Variants in SOHLH1 observed in about 807,000 individuals in gnomAD.
SOHLH1 encodes spermatogenesis- and oogenesis-specific basic helix-loop-helix-containing protein 1.
In SOHLH1, 23 loss-of-function variants were observed where a neutral mutation model predicts 36.2. The observed-to-expected ratio is 0.64, with a 90% CI of 0.46 to 0.90. The LOEUF (loss-of-function observed/expected upper bound fraction) is 0.90. SOHLH1 is among the 40% of genes least tolerant of loss of function. The probability of loss-of-function intolerance (pLI) is 0.00; values close to 1 mark genes in which losing one functional copy is unlikely to be tolerated. For missense variants in SOHLH1, 608 were observed against 517.0 expected, an observed-to-expected ratio of 1.18 and a Z score of -1.71; for synonymous variants, 289 against 228.3, an observed-to-expected ratio of 1.27 and a Z score of -2.40.
At chr9:135,694,260 G>T (rs1834701418) in intron 7 of SOHLH1, 127 bp downstream of exon 7, 3 of 1,540,484 alleles carry the variant, frequency 1.9e-6, no homozygotes, top group South Asian at 1.2e-5. Flanking sequence ...ACCAACGGTG[G>T]AGAAAACGGG....
rs746002948 is a variant in SOHLH1 at position 135,699,056 on chromosome 9, T to C, written c.136A>G (p.Thr46Ala). The change falls in exon 2 of 8, where the codon ACG becomes GCG. Residue 46 changes from threonine to alanine, a missense_variant. Thr to Ala is a moderately conservative substitution (Grantham distance 58). Coordinates refer to ENST00000425225, the MANE Select transcript of SOHLH1 (RefSeq NM_001101677.2). The stretch of plus-strand genomic sequence containing the variant: ...CAGGAGCTGGGACCCTCGGCCACCG[T>C]AGGGGCCTTGGGCGGGCCCGAGCCC... ...ARGSGPPKAP[T>A]VAEGPSSCLR... 3.7e-6 allele frequency: 6 copies of C among 1,611,074 alleles called. No individual in the cohort carries two copies. The highest frequency in any genetic ancestry group is 4.2e-6 in the Non-Finnish European group (5 of 1,179,658).
chr9:135,699,012 G>A lies in SOHLH1; in HGVS notation c.180C>T (p.Ile60=), dbSNP rs1273444838. 1.2e-6 allele frequency: 2 copies of A among 1,611,604 alleles called. No individual in the cohort carries two copies. Among genetic ancestry groups the A allele is most frequent in the Non-Finnish European group, 8.5e-7 (1 of 1,179,748 alleles). ...CCACTCACCTGCGCTCCCTCTCGCTGATCACGTTCCGCCGAAGGCAGGAGC... is the reference window on the plus strand; with the variant it reads ...CCACTCACCTGCGCTCCCTCTCGCTAATCACGTTCCGCCGAAGGCAGGAGC... ...GPSSCLRRNV[I]SERERRKRMS... The change falls in exon 2 of 8, where the codon ATC becomes ATT. Residue 60 remains isoleucine, a synonymous_variant. Transcript: ENST00000425225.
chr9:135,699,288 G>C, intron 1 of SOHLH1, 115 bp downstream of exon 1: 2 of 1,493,936 alleles, frequency 1.3e-6, no homozygotes, highest in Non-Finnish European at 1.8e-6. Context: ...CTCTCCCAGG[G>C]TCCAGGGCTC....
At chr9:135,701,097 C>T (rs1249554706), upstream of SOHLH1, among the ~76,000 whole-genome samples, 2 of 152,230 alleles carry the variant, frequency 1.3e-5, no homozygotes, top group Admixed American at 6.5e-5. Flanking sequence ...GTGGTGGGAC[C>T]CCGGCAGCAG....
rs773572680 is a variant in SOHLH1 at position 135,694,451 on chromosome 9, C to T, written c.882G>A (p.Ala294=). Reference sequence around the variant, plus strand: ...TCCCATCGTCCACATCAGACCCCAACGCAGACCTGGAAGCGACAAGCTCTT... The same window carrying T: ...TCCCATCGTCCACATCAGACCCCAATGCAGACCTGGAAGCGACAAGCTCTT... ...DPMLAQEAGS[A]LGSDVDDGTS... is the part of the protein sequence containing the mutation. Residue 294 remains alanine, a synonymous_variant, in exon 7 of 8, where the codon GCG becomes GCA. Transcript: ENST00000425225. 2.5e-5 allele frequency: 41 copies of T among 1,613,072 alleles called. 1 individual carries two copies. The highest frequency in any genetic ancestry group is 1.6e-4 in the Middle Eastern group (1 of 6,082).
At position 135,699,064 on chromosome 9, in the gene SOHLH1, T is replaced by A. The variant is rs1588235415; in HGVS notation, c.128A>T (p.Lys43Met). 5.6e-6 allele frequency: 9 copies of A among 1,611,088 alleles called. No individual in the cohort carries two copies. In the East Asian group the frequency reaches 2.0e-4, roughly 36 times the overall value. ...GGGACCCTCGGCCACCGTAGGGGCC[T>A]TGGGCGGGCCCGAGCCCCGGGCCGA... ...EDSARGSGPPKAPTVAEGPSS... is the reference protein window; with the variant it reads ...EDSARGSGPPMAPTVAEGPSS... Residue 43 changes from lysine (K) to methionine (M), a missense_variant, in exon 2 of 8, where the codon AAG (lysine) becomes ATG (methionine). Transcript: ENST00000425225.
At chr9:135,698,847 T>A in intron 2 of SOHLH1, 148 bp downstream of exon 2, 2 of 1,175,048 alleles carry the variant, frequency 1.7e-6, no homozygotes, top group Non-Finnish European at 1.2e-6. Context: ...CTTTTCTGGT[T>A]TACTTGGAGA....
In SOHLH1 at chr9:135,695,227, C is replaced by T. The variant is rs779330888; in HGVS notation, c.698G>A (p.Ser233Asn). 1 of 1,603,796 alleles carries T rather than the reference C, an allele frequency of 6.2e-7. No homozygotes were observed. The highest frequency in any genetic ancestry group is 1.1e-5 in the South Asian group (1 of 88,940). The change falls in exon 6 of 8, where the codon AGT (serine) becomes AAT (asparagine). Residue 233 changes from serine (S) to asparagine (N), a missense_variant. Coordinates refer to ENST00000425225, the MANE Select transcript of SOHLH1 (RefSeq NM_001101677.2). ...SSLVPWPPGR[S>N]LPKAVRPPLS... ...GGGTGGCCTCACAGCCTTAGGAAGACTCCGGCCTGGGGGCCACGGCACCAG... is the reference window on the plus strand; with the variant it reads ...GGGTGGCCTCACAGCCTTAGGAAGATTCCGGCCTGGGGGCCACGGCACCAG...
chr9:135,695,007 T>C (rs761658435), intron 6 of SOHLH1, 43 bp downstream of exon 6: 4 of 1,542,728 alleles, frequency 2.6e-6, no homozygotes. Context: ...ACACACATGC[T>C]CGCTCACGCA....
In SOHLH1 at chr9:135,699,084, G is replaced by C. The variant is rs1282051449; in HGVS notation, c.108C>G (p.Ala36=). Residue 36 remains alanine (A), a synonymous_variant, in exon 2 of 8, where the codon GCC becomes GCG. Coordinates refer to ENST00000425225, the MANE Select transcript of SOHLH1 (RefSeq NM_001101677.2). ...SGALSCCEDS[A]RGSGPPKAPT... ...GGGCCTTGGGCGGGCCCGAGCCCCGGGCCGAGTCCTCGCAGCAGGAGAGGG... is the reference window on the plus strand; with the variant it reads ...GGGCCTTGGGCGGGCCCGAGCCCCGCGCCGAGTCCTCGCAGCAGGAGAGGG... 1 of 1,609,934 alleles carries C rather than the reference G, an allele frequency of 6.2e-7. No homozygotes were observed. Among genetic ancestry groups the C allele is most frequent in the South Asian group, 1.1e-5 (1 of 90,942 alleles).
upstream of SOHLH1, chr9:135,699,673 G>A (rs1834967331): frequency 1.5e-6 from 1 of 646,522 alleles, no homozygotes; most frequent in Non-Finnish European, 2.8e-6. Flanking sequence ...TGCAAAGAAG[G>A]TGCTGGAAAG....
chr9:135,702,067 G>T (rs1588238522), upstream of SOHLH1: 3 of 543,472 alleles, frequency 5.5e-6, no homozygotes, highest in East Asian at 1.0e-4. Flanking sequence ...GCCTGGGCCA[G>T]AGCCGCCGCG....
At position 135,693,574 on chromosome 9, in the gene SOHLH1, G is replaced by A. The variant is rs200083956; in HGVS notation, c.*23C>T. On this transcript the variant is annotated 3_prime_UTR_variant, in exon 8 of 8. Coordinates refer to ENST00000425225, the MANE Select transcript of SOHLH1 (RefSeq NM_001101677.2). ...GGCTCCAGATCCACCGGCCCCGCCCGCCTCCTCTCCACAGCCTGGCTGCTA... is the reference window on the plus strand; with the variant it reads ...GGCTCCAGATCCACCGGCCCCGCCCACCTCCTCTCCACAGCCTGGCTGCTA... 98 of 1,542,692 alleles carry A rather than the reference G, an allele frequency of 6.4e-5. 1 individual carries two copies. In the Admixed American group the frequency reaches 9.9e-4, roughly 16 times the overall value.
chr9:135,702,098 G>T (rs1385584112), upstream of SOHLH1: 1 of 588,308 alleles, frequency 1.7e-6, no homozygotes, highest in Non-Finnish European at 2.9e-6. Flanking sequence ...CGGCCGGCAG[G>T]GGGCGCGCGC....
Position 135,699,435 on chromosome 9 carries a change from C to T in SOHLH1, c.33G>A (p.Glu11=), listed in dbSNP as rs1834951708. Residue 11 remains glutamate, a synonymous_variant, in exon 1 of 8, where the codon GAG becomes GAA. Coordinates refer to ENST00000425225, the MANE Select transcript of SOHLH1 (RefSeq NM_001101677.2). ...CCCTGACGGTAGGGATTCTGGAGAC[C>T]TCCGGGTAGGGCTCGGAGCACCGGG... MASRCSEPYP[E]VSRIPTVRGC... 5.0e-6 allele frequency: 8 copies of T among 1,612,390 alleles called. No individual in the cohort carries two copies. Among genetic ancestry groups the T allele is most frequent in the Non-Finnish European group, 6.8e-6 (8 of 1,179,818 alleles).
intron 4 of SOHLH1, 41 bp from the exon 5 acceptor site, chr9:135,696,846 C>T: frequency 1.9e-6 from 3 of 1,606,872 alleles, no homozygotes; most frequent in Non-Finnish European, 2.5e-6. Context: ...GTCTATTCCC[C>T]AGCCCCCTGG....
chr9:135,698,717 C>A (rs956046200), intron 2 of SOHLH1, among the ~76,000 whole-genome samples: 9 of 152,180 alleles, frequency 5.9e-5, no homozygotes, highest in Non-Finnish European at 2.9e-5. Flanking sequence ...GGCTGCTTTG[C>A]GGTGTGGAAA....
chr9:135,698,569 CG>C, intron 2 of SOHLH1, 93 bp from the exon 3 acceptor site: 1 of 1,574,860 alleles, frequency 6.3e-7, no homozygotes, highest in Non-Finnish European at 8.7e-7. Flanking sequence ...AGACCCTGGG[CG>C]CTTGTCAGGC....
In SOHLH1 at chr9:135,698,320, A is replaced by G. The variant is rs368099645; in HGVS notation, c.345+9T>C. ...CGGAGGACTGACGGCGTCTACCCTTACAACTCACAGCGTGCTGCTCCTGAC... is the reference window on the plus strand; with the variant it reads ...CGGAGGACTGACGGCGTCTACCCTTGCAACTCACAGCGTGCTGCTCCTGAC... On this transcript the variant is annotated intron_variant, in intron 3 of 7. Coordinates refer to ENST00000425225, the MANE Select transcript of SOHLH1 (RefSeq NM_001101677.2). 2 of 1,612,848 alleles carry G rather than the reference A, an allele frequency of 1.2e-6. No homozygotes were observed. Among genetic ancestry groups the G allele is most frequent in the African/African-American group, 2.7e-5 (2 of 74,912 alleles).
Sources: allele counts gnomAD v4.1 joint callset (sites outside exome capture counted in the v4.1 genomes callset), GRCh38; gene constraint gnomAD v4.1.1; transcripts MANE v1.5; gene names NCBI Gene and HGNC (gene_info 2026-07-23, HGNC 2026-07-21).